Variants in PTPRD observed in about 807,000 individuals in gnomAD.
PTPRD encodes protein tyrosine phosphatase receptor type D, also known as receptor-type tyrosine-protein phosphatase delta.
Under a neutral mutation model 214.5 loss-of-function variants are expected in PTPRD, and 34 were observed. The observed-to-expected ratio is 0.16, with a 90% CI of 0.12 to 0.21. The LOEUF is 0.21. Among genes scored for constraint, PTPRD ranks in the 10% least tolerant of loss-of-function variants. PTPRD has a pLI of 1.00. For missense variants in PTPRD, 2,545 were observed against 2,398.7 expected, an observed-to-expected ratio of 1.06 and a Z score of -1.27; for synonymous variants, 1,128 against 845.7, an observed-to-expected ratio of 1.33 and a Z score of -5.79.
At chr9:8,393,520 A>G (rs1222749406) in intron 36 of PTPRD, among the ~76,000 whole-genome samples, 1 of 151,986 alleles carries the variant, frequency 6.6e-6, no homozygotes, top group Admixed American at 6.6e-5. Context: ...TCATAAGCAA[A>G]ATTTTAGAAC....
intron 7 of PTPRD, among the ~76,000 whole-genome samples, chr9:9,706,497 T>C (rs1301209397): frequency 6.6e-6 from 1 of 151,988 alleles, no homozygotes; most frequent in East Asian, 1.9e-4. Flanking sequence ...TGGAGTGCAA[T>C]GACACAATCT....
chr9:10,413,974 A>C (rs2098462462), intron 2 of PTPRD, among the ~76,000 whole-genome samples: 1 of 152,030 alleles, frequency 6.6e-6, no homozygotes, highest in Admixed American at 6.6e-5. Context: ...ATAAAGTCTT[A>C]AATGTAAAAT....
chr9:9,863,323 G>C lies in PTPRD; in HGVS notation c.-368+75184C>G, dbSNP rs1449381267. On this transcript the variant is annotated intron_variant, in intron 5 of 45. Transcript: ENST00000381196. ...CTAAAAAATTTGATAATTGATAAAG[G>C]AAAGAGTCAAGAATGAATCTAAGTT... Among the ~76,000 whole-genome samples, 8 of 152,260 alleles carry C rather than the reference G, an allele frequency of 5.3e-5. No individual in the cohort carries two copies. In the East Asian group the frequency reaches 1.5e-3, roughly 29 times the overall value.
chr9:10,465,472 A>C (rs1468532833), intron 2 of PTPRD, among the ~76,000 whole-genome samples: 3 of 152,144 alleles, frequency 2.0e-5, no homozygotes, highest in Non-Finnish European at 4.4e-5. Context: ...CCTACTAAAG[A>C]GTGTCGTCAT....
intron 5 of PTPRD, among the ~76,000 whole-genome samples, chr9:9,905,425 A>G (rs534163984): frequency 6.6e-6 from 1 of 152,022 alleles, no homozygotes; most frequent in Non-Finnish European, 1.5e-5. Context: ...CTATATTGTC[A>G]CATATGTCAT....
intron 5 of PTPRD, among the ~76,000 whole-genome samples, chr9:9,937,958 G>A (rs2090152879): frequency 6.6e-6 from 1 of 152,142 alleles, no homozygotes; most frequent in African/African-American, 2.4e-5. Context: ...GATCATAACT[G>A]GAATTGGAGG....
chr9:9,641,979 G>A (rs1332437812), intron 7 of PTPRD, among the ~76,000 whole-genome samples: 12 of 151,336 alleles, frequency 7.9e-5, no homozygotes, highest in Admixed American at 1.3e-4. Flanking sequence ...TGTTTATTGC[G>A]GCATTATTCA....
intron 3 of PTPRD, among the ~76,000 whole-genome samples, chr9:10,220,980 G>A (rs1002425910): frequency 2.6e-5 from 4 of 151,734 alleles, no homozygotes; most frequent in African/African-American, 7.3e-5. Context: ...AAACGAAATG[G>A]TACACAGAAG....
intron 5 of PTPRD, among the ~76,000 whole-genome samples, chr9:9,863,043 A>G (rs1006882188): frequency 1.3e-5 from 2 of 152,184 alleles, no homozygotes; most frequent in Non-Finnish European, 2.9e-5. Context: ...CTCTTTTTTG[A>G]GATTTTTTAA....
intron 11 of PTPRD, among the ~76,000 whole-genome samples, chr9:8,800,528 A>C (rs577481885): frequency 1.3e-5 from 2 of 152,326 alleles, no homozygotes; most frequent in African/African-American, 4.8e-5. Context: ...GGTCATTCTC[A>C]CTGCTACACT....
intron 9 of PTPRD, among the ~76,000 whole-genome samples, chr9:9,363,150 T>G (rs1391213479): frequency 3.3e-5 from 5 of 149,720 alleles, no homozygotes; most frequent in African/African-American, 1.2e-4. Flanking sequence ...TGTGGTCACA[T>G]TAGAACTGGA....
chr9:9,871,737 T>C (rs1246390575), intron 5 of PTPRD, among the ~76,000 whole-genome samples: 1 of 150,878 alleles, frequency 6.6e-6, no homozygotes, highest in African/African-American at 2.4e-5. Context: ...TAAGATTATC[T>C]TCCGGAAAGG....
At chr9:9,947,584 TA>T (rs1331806207) in intron 4 of PTPRD, among the ~76,000 whole-genome samples, 5 of 49,202 alleles carry the variant, frequency 1.0e-4, no homozygotes, top group East Asian at 5.9e-4. Flanking sequence ...ATTATATATA[TA>T]TTATATATAT....
At chr9:8,789,282 T>A (rs1034009048) in intron 11 of PTPRD, among the ~76,000 whole-genome samples, 1 of 152,148 alleles carries the variant, frequency 6.6e-6, no homozygotes, top group Non-Finnish European at 1.5e-5. Context: ...GAAGCCACCA[T>A]AGCTGATTGG....
chr9:8,350,528 T>C (rs938696357), intron 39 of PTPRD, among the ~76,000 whole-genome samples: 9 of 152,136 alleles, frequency 5.9e-5, no homozygotes, highest in Non-Finnish European at 1.0e-4. Context: ...AGGTGACTCT[T>C]TTAATAAAAC....
chr9:8,321,616 T>C (rs1266508231), intron 44 of PTPRD, among the ~76,000 whole-genome samples: 1 of 149,788 alleles, frequency 6.7e-6, no homozygotes, highest in East Asian at 2.0e-4. Flanking sequence ...CAGGCACACA[T>C]AACACATTTA....
chr9:9,527,751 G>A (rs2074468411), intron 8 of PTPRD, among the ~76,000 whole-genome samples: 1 of 152,060 alleles, frequency 6.6e-6, no homozygotes, highest in South Asian at 2.1e-4. Flanking sequence ...TATAGTTACA[G>A]AAGTAATTGG....
intron 5 of PTPRD, among the ~76,000 whole-genome samples, chr9:9,826,423 T>G (rs1056094468): frequency 2.0e-5 from 3 of 152,010 alleles, no homozygotes; most frequent in Admixed American, 1.3e-4. Flanking sequence ...TTGAAGTATT[T>G]TGAAGGCAGA....
At chr9:8,982,998 C>G (rs2099321210) in intron 11 of PTPRD, among the ~76,000 whole-genome samples, 1 of 152,010 alleles carries the variant, frequency 6.6e-6, no homozygotes, top group Admixed American at 6.6e-5. Context: ...CCTCACTTAA[C>G]AATGAGTTGA....
Sources: gnomAD v4.1 joint callset for allele counts (sites outside exome capture counted in the v4.1 genomes callset) on GRCh38, gnomAD v4.1.1 for gene constraint, MANE v1.5 for transcripts, NCBI Gene and HGNC (gene_info 2026-07-23, HGNC 2026-07-21) for gene names.